Variants in DPP10 observed in about 807,000 individuals in gnomAD.
DPP10 encodes dipeptidyl peptidase like 10.
A neutral mutation model predicts 120.9 loss-of-function variants in DPP10; 33 were observed. The observed-to-expected ratio is 0.27, with a 90% confidence interval of 0.21 to 0.37. The LOEUF is 0.37. Among genes scored for constraint, DPP10 ranks in the 10% least tolerant of loss-of-function variants. The pLI is 1.00. For synonymous variants in DPP10, 337 were observed against 326.1 expected (o/e 1.03, Z -0.36); for missense variants, 816 against 942.8 (o/e 0.87, Z 1.76).
intron 5 of DPP10, among the ~76,000 whole-genome samples, chr2:115,634,875 C>T (rs2086193034): frequency 6.6e-6 from 1 of 151,878 alleles, no homozygotes. Flanking sequence ...GGCTCAGTCC[C>T]AGAGAGATTA....
chr2:115,002,393 T>C (rs1701502756), intron 1 of DPP10, among the ~76,000 whole-genome samples: 1 of 152,136 alleles, frequency 6.6e-6, no homozygotes, highest in Non-Finnish European at 1.5e-5. Context: ...AAAACTTAAA[T>C]GTAAAACCTA....
At chr2:115,646,105 C>T (rs187020231) in intron 5 of DPP10, among the ~76,000 whole-genome samples, 232 of 151,756 alleles carry the variant, frequency 1.5e-3, no homozygotes, top group Non-Finnish European at 2.6e-3. Context: ...CACGTGCGTG[C>T]GCGCACACAC....
chr2:114,647,928 G>C (rs1421105136), intron 1 of DPP10, among the ~76,000 whole-genome samples: 1 of 152,060 alleles, frequency 6.6e-6, no homozygotes, highest in African/African-American at 2.4e-5. Flanking sequence ...TTGAGGTGTA[G>C]TGTTCTATGG....
At chr2:115,773,297 C>G (rs1207587837) in intron 13 of DPP10, among the ~76,000 whole-genome samples, 2 of 152,086 alleles carry the variant, frequency 1.3e-5, no homozygotes, top group South Asian at 4.1e-4. Context: ...CAGGGTTAAA[C>G]TTGTATTGAT....
intron 1 of DPP10, among the ~76,000 whole-genome samples, chr2:115,023,779 G>A (rs1444840632): frequency 6.6e-6 from 1 of 152,100 alleles, no homozygotes; most frequent in Non-Finnish European, 1.5e-5. Context: ...AGTAGATAAA[G>A]AAAATGTGGT....
intron 1 of DPP10, among the ~76,000 whole-genome samples, chr2:115,269,053 G>A (rs555886766): frequency 2.2e-4 from 34 of 152,214 alleles, no homozygotes; most frequent in African/African-American, 7.0e-4. Flanking sequence ...AGGCTGAGAC[G>A]GGAGAATCAC....
At chr2:115,171,012 T>C (rs1232654775) in intron 1 of DPP10, among the ~76,000 whole-genome samples, 1 of 152,166 alleles carries the variant, frequency 6.6e-6, no homozygotes, top group Non-Finnish European at 1.5e-5. Flanking sequence ...TCCGCCTCTC[T>C]ACATTTCTGA....
intron 5 of DPP10, among the ~76,000 whole-genome samples, chr2:115,661,027 T>A (rs1437250762): frequency 6.6e-6 from 1 of 152,066 alleles, no homozygotes; most frequent in Non-Finnish European, 1.5e-5. Context: ...CTCGGCTCAC[T>A]GCAAACTCTG....
At chr2:114,802,176 C>G (rs1246258711) in intron 1 of DPP10, among the ~76,000 whole-genome samples, 8 of 151,790 alleles carry the variant, frequency 5.3e-5, no homozygotes, top group African/African-American at 1.9e-4. Context: ...TGGCCAATAG[C>G]TTAAATACAT....
chr2:114,986,912 C>T (rs1387596991), intron 1 of DPP10, among the ~76,000 whole-genome samples: 6 of 152,092 alleles, frequency 3.9e-5, no homozygotes, highest in African/African-American at 9.7e-5. Context: ...CTGGGGATTA[C>T]AGGCACACAC....
At chr2:115,475,405 A>T (rs2075010281) in intron 3 of DPP10, among the ~76,000 whole-genome samples, 1 of 152,198 alleles carries the variant, frequency 6.6e-6, no homozygotes, top group Admixed American at 6.5e-5. Context: ...GAGCCTTGAG[A>T]GCTCCTGCCT....
intron 4 of DPP10, among the ~76,000 whole-genome samples, chr2:115,514,404 T>C (rs947248758): frequency 2.0e-5 from 3 of 151,766 alleles, no homozygotes; most frequent in African/African-American, 7.2e-5. Flanking sequence ...TTTTCCTTCT[T>C]TTTAAATATT....
chr2:115,087,382 A>G (rs1708798710), intron 1 of DPP10, among the ~76,000 whole-genome samples: 1 of 152,174 alleles, frequency 6.6e-6, no homozygotes, highest in African/African-American at 2.4e-5. Flanking sequence ...TACTTTCCAG[A>G]GCAGTGGTCC....
intron 1 of DPP10, among the ~76,000 whole-genome samples, chr2:115,209,896 T>C (rs2056392752): frequency 6.6e-6 from 1 of 152,136 alleles, no homozygotes; most frequent in Non-Finnish European, 1.5e-5. Flanking sequence ...TTCTATAATA[T>C]CTTAAGTAGG....
intron 19 of DPP10, among the ~76,000 whole-genome samples, chr2:115,800,155 T>C (rs1685022707): frequency 6.6e-6 from 1 of 151,744 alleles, no homozygotes; most frequent in African/African-American, 2.4e-5. Flanking sequence ...TATCTCATTG[T>C]GGTTTTGATT....
intron 3 of DPP10, among the ~76,000 whole-genome samples, chr2:115,412,770 A>G (rs1001435248): frequency 1.3e-5 from 2 of 152,108 alleles, no homozygotes; most frequent in Non-Finnish European, 2.9e-5. Context: ...TTTGAGAGAA[A>G]CAAAACCTTT....
intron 19 of DPP10, among the ~76,000 whole-genome samples, chr2:115,803,454 G>A (rs1685516444): frequency 6.6e-6 from 1 of 152,186 alleles, no homozygotes; most frequent in Non-Finnish European, 1.5e-5. Flanking sequence ...ATTGTTATGT[G>A]TGAATTTGAT....
At chr2:115,372,403 G>T (rs1255509130) in intron 3 of DPP10, among the ~76,000 whole-genome samples, 1 of 79,456 alleles carries the variant, frequency 1.3e-5, no homozygotes, top group East Asian at 4.0e-4. Context: ...ACCCTTTAGA[G>T]GTAAAAAAAG....
chr2:115,299,141 T>G (rs1215062136), intron 1 of DPP10, among the ~76,000 whole-genome samples: 1 of 152,060 alleles, frequency 6.6e-6, no homozygotes, highest in Non-Finnish European at 1.5e-5. Flanking sequence ...GAGGTCAATT[T>G]CAGTTTCTAT....
Sources: allele counts gnomAD v4.1 joint callset (sites outside exome capture counted in the v4.1 genomes callset), GRCh38; gene constraint gnomAD v4.1.1; transcripts MANE v1.5; gene names NCBI Gene and HGNC (gene_info 2026-07-23, HGNC 2026-07-21).